Variants in CDKN1A observed in about 807,000 individuals in gnomAD.
CDKN1A encodes the protein cyclin dependent kinase inhibitor 1A.
In CDKN1A, 14 loss-of-function variants were observed where a neutral mutation model predicts 14.8. The ratio of observed to expected loss-of-function variants is 0.94; its 90% CI spans 0.62 to 1.48. CDKN1A has a LOEUF of 1.48. Among genes scored for constraint, CDKN1A ranks in the 40% most tolerant of loss-of-function variants. The pLI, the probability that CDKN1A is intolerant of heterozygous loss-of-function variation, is 0.00. For missense variants in CDKN1A, 203 were observed against 231.7 expected, an observed-to-expected ratio of 0.88 and a Z score of 0.80; for synonymous variants, 92 against 93.5, an observed-to-expected ratio of 0.98 and a Z score of 0.09.
intron 1 of CDKN1A, chr6:36,682,671 A>G (rs1479715833): frequency 6.6e-6 from 1 of 152,228 alleles, no homozygotes; most frequent in Non-Finnish European, 1.5e-5. Context: ...CCCTAGGAAA[A>G]TCCAGTTGCT....
Position 36,684,394 on chromosome 6 carries a change from C to T in CDKN1A, c.293C>T (p.Ser98Leu), listed in dbSNP as rs760466052. 2 of 1,613,348 alleles carry T rather than the reference C, an allele frequency of 1.2e-6. No individual in the cohort carries two copies. The highest frequency in any genetic ancestry group is 8.5e-7 in the Non-Finnish European group (1 of 1,179,750). The change falls in exon 2 of 3, where the codon TCA (serine) becomes TTA (leucine). Residue 98 changes from serine (S) to leucine (L), a missense_variant. Coordinates refer to ENST00000244741, the MANE Select transcript of CDKN1A (RefSeq NM_000389.5). The surrounding 1 kb of genome is among the most constrained non-coding windows in gnomAD (Gnocchi z 6.0). ...GGAGGAGGCAGGCGGCCTGGCACCT[C>T]ACCTGCTCTGCTGCAGGGGACAGCA... Reference protein sequence around the residue: ...ELGGGRRPGTSPALLQGTAEE... With the variant: ...ELGGGRRPGTLPALLQGTAEE...
chr6:36,679,172 G>A (rs1761808995), intron 1 of CDKN1A, among the ~76,000 whole-genome samples: 1 of 152,240 alleles, frequency 6.6e-6, no homozygotes, highest in Non-Finnish European at 1.5e-5. Flanking sequence ...CAGGCCCCAG[G>A]CGCAGTTTGC....
intron 1 of CDKN1A, among the ~76,000 whole-genome samples, chr6:36,683,169 C>T (rs372535239): frequency 1.3e-5 from 2 of 152,222 alleles, no homozygotes; most frequent in African/African-American, 2.4e-5. Context: ...GCTGCTGGCA[C>T]GTTACCTACA....
At position 36,686,120 on chromosome 6, in the gene CDKN1A, C is replaced by T. The variant is rs1347344575; in HGVS notation, c.*320C>T. On this transcript the variant is annotated 3_prime_UTR_variant, in exon 3 of 3. Transcript: ENST00000244741. The surrounding 1 kb of genome is among the most constrained non-coding windows in gnomAD (Gnocchi z 4.9). ...GTTGGGTGGGCCGGCTTCATGCCAG[C>T]TACTTCCTCCTCCCCACTTGTCCGC... 4.2e-6 allele frequency: 2 copies of T among 477,796 alleles called. No homozygotes were observed. The highest frequency in any genetic ancestry group is 7.6e-6 in the Non-Finnish European group (2 of 262,194). 29.6% of individuals were successfully genotyped at this position (477,796 alleles called of 1,614,324 possible). A position where few individuals can be genotyped will look rare whatever the true frequency, so the allele number is the denominator to read the frequency against.
At position 36,684,618 on chromosome 6, in the gene CDKN1A, T is replaced by C; in HGVS notation, c.445+72T>C. The stretch of plus-strand genomic sequence containing the variant: ...AGAATCCATGGTCCAAGGGCTGACC[T>C]GTCTGGTCCTGGTCCAGCATGCTCC... On this transcript the variant is annotated intron_variant, in intron 2 of 2. Coordinates refer to ENST00000244741, the MANE Select transcript of CDKN1A (RefSeq NM_000389.5). This position sits in a 1 kb window ranked among gnomAD's most constrained non-coding sequence, Gnocchi z 6.0. 7.0e-7 allele frequency: 1 copy of C among 1,430,402 alleles called. No homozygotes were observed. The highest frequency in any genetic ancestry group is 9.8e-7 in the Non-Finnish European group (1 of 1,023,044). 88.6% of individuals were successfully genotyped at this position (1,430,402 alleles called of 1,614,324 possible).
At chr6:36,681,067 C>T (rs1010020265) in intron 1 of CDKN1A, among the ~76,000 whole-genome samples, 1 of 152,156 alleles carries the variant, frequency 6.6e-6, no homozygotes, top group Non-Finnish European at 1.5e-5. Flanking sequence ...GCGGGCGCCT[C>T]CTCCTTGTGC....
chr6:36,683,966 A>G (rs1762099878), intron 1 of CDKN1A, 131 bp from the exon 2 acceptor site: 5 of 896,474 alleles, frequency 5.6e-6, no homozygotes, highest in Non-Finnish European at 8.8e-6. Flanking sequence ...AAGCAGGAAG[A>G]CCAGCTGGAA....
chr6:36,686,192 C>T lies in CDKN1A; in HGVS notation c.*392C>T. Reference sequence around the variant, plus strand: ...GTGTGGCTCCTTCCCATCGCTGTCACAGGCGGTTATGAAATTCACCCCCTT... The same window carrying T: ...GTGTGGCTCCTTCCCATCGCTGTCATAGGCGGTTATGAAATTCACCCCCTT... On this transcript the variant is annotated 3_prime_UTR_variant, in exon 3 of 3. Coordinates refer to ENST00000244741, the MANE Select transcript of CDKN1A (RefSeq NM_000389.5). The surrounding 1 kb of genome is among the most constrained non-coding windows in gnomAD (Gnocchi z 4.9). The T allele has an allele frequency of 5.6e-6, 2 of 354,714 alleles. No individual in the cohort carries two copies. The highest frequency in any genetic ancestry group is 1.0e-5 in the Non-Finnish European group (2 of 192,084). 22.0% of individuals were successfully genotyped at this position (354,714 alleles called of 1,614,324 possible).
chr6:36,681,341 T>C, intron 1 of CDKN1A, among the ~76,000 whole-genome samples: 1 of 137,566 alleles, frequency 7.3e-6, no homozygotes, highest in African/African-American at 2.8e-5. Context: ...TCTTTTTCTT[T>C]CTTTCTTTCT....
At chr6:36,677,801 T>C, upstream of CDKN1A, 1 of 1,155,408 alleles carries the variant, frequency 8.7e-7, no homozygotes. Flanking sequence ...ACCAGACTTC[T>C]CTGAGCCCCA....
chr6:36,681,087 A>C (rs1367549703), intron 1 of CDKN1A, among the ~76,000 whole-genome samples: 1 of 152,138 alleles, frequency 6.6e-6, no homozygotes, highest in Non-Finnish European at 1.5e-5. Context: ...CCTATGATGT[A>C]TTGAGACCCA....
rs1028477737 is a variant in CDKN1A at position 36,684,220 on chromosome 6, G to A, written c.119G>A (p.Gly40Asp). The A allele has an allele frequency of 6.2e-7, 1 of 1,611,926 alleles. No homozygotes were observed. Among genetic ancestry groups the A allele is most frequent in the Non-Finnish European group, 8.5e-7 (1 of 1,179,974 alleles). ...LSRDCDALMA[G>D]CIQEARERWN... is the part of the protein sequence containing the mutation. ...CGCGACTGTGATGCGCTAATGGCGG[G>A]CTGCATCCAGGAGGCCCGTGAGCGA... The change falls in exon 2 of 3, where the codon GGC (glycine) becomes GAC (aspartate). Residue 40 changes from glycine (G) to aspartate (D), a missense_variant. Coordinates refer to ENST00000244741, the MANE Select transcript of CDKN1A (RefSeq NM_000389.5). The surrounding 1 kb of genome is among the most constrained non-coding windows in gnomAD (Gnocchi z 6.0).
At chr6:36,682,197 TACTTA>T (rs1278026183) in intron 1 of CDKN1A, among the ~76,000 whole-genome samples, 2 of 152,352 alleles carry the variant, frequency 1.3e-5, no homozygotes, top group South Asian at 4.1e-4. Context: ...TTAGGCAAGT[TACTTA>T]ACTTATCTGA....
At chr6:36,679,285 G>C (rs1761816060) in intron 1 of CDKN1A, among the ~76,000 whole-genome samples, 1 of 152,222 alleles carries the variant, frequency 6.6e-6, no homozygotes, top group South Asian at 2.1e-4. Flanking sequence ...GTGGCTCTGG[G>C]ATCCAATCTG....
chr6:36,681,653 CGT>C (rs1762013535), intron 1 of CDKN1A, among the ~76,000 whole-genome samples: 1 of 130,284 alleles, frequency 7.7e-6, no homozygotes, highest in Non-Finnish European at 1.5e-5. Flanking sequence ...AGTGCAGTGG[CGT>C]GATCTCGGCT....
At chr6:36,683,673 G>A (rs1227411027) in intron 1 of CDKN1A, among the ~76,000 whole-genome samples, 1 of 152,128 alleles carries the variant, frequency 6.6e-6, no homozygotes, top group Non-Finnish European at 1.5e-5. Flanking sequence ...TCTTCTTTTG[G>A]GAATTGACCT....
chr6:36,684,099 G>T lies in CDKN1A; in HGVS notation c.-3G>T. 2.5e-6 allele frequency: 4 copies of T among 1,613,166 alleles called. No homozygotes were observed. Among genetic ancestry groups the T allele is most frequent in the Non-Finnish European group, 3.4e-6 (4 of 1,179,944 alleles). ...CCTTCCTTGTATCTCTGCTGCAGGC[G>T]CCATGTCAGAACCGGCTGGGGATGT... On this transcript the variant is annotated splice_region_variant and 5_prime_UTR_variant, in exon 2 of 3. Coordinates refer to ENST00000244741, the MANE Select transcript of CDKN1A (RefSeq NM_000389.5). The surrounding 1 kb of genome is among the most constrained non-coding windows in gnomAD (Gnocchi z 6.0).
chr6:36,682,032 A>G (rs939143330), intron 1 of CDKN1A, among the ~76,000 whole-genome samples: 31 of 152,196 alleles, frequency 2.0e-4, no homozygotes, highest in African/African-American at 7.5e-4. Context: ...GGCATAAGCC[A>G]CTGCCCCTGG....
upstream of CDKN1A, among the ~76,000 whole-genome samples, chr6:36,676,873 TA>T (rs904913596): frequency 3.9e-5 from 6 of 152,048 alleles, no homozygotes; most frequent in Non-Finnish European, 7.4e-5. Flanking sequence ...CTAGAAGTTA[TA>T]AAAAAAATTC....
Sources: gnomAD v4.1 joint callset for allele counts (sites outside exome capture counted in the v4.1 genomes callset) on GRCh38, gnomAD v4.1.1 for gene constraint, Gnocchi (gnomAD v3.1) non-coding constraint, MANE v1.5 for transcripts, NCBI Gene and HGNC (gene_info 2026-07-23, HGNC 2026-07-21) for gene names.